The following RARB variants were observed in gnomAD, a reference collection of about 807,000 sequenced individuals.
The protein encoded by RARB is HBV-activated protein.
Under a neutral mutation model 51.9 loss-of-function variants are expected in RARB, and 17 were observed. The ratio of observed to expected loss-of-function variants is 0.33; its 90% CI spans 0.22 to 0.49. RARB has a LOEUF of 0.49. Ranked by LOEUF, RARB falls within the 20% of genes least tolerant of loss-of-function variation. RARB has a pLI of 0.99. For synonymous variants in RARB, 215 were observed against 195.4 expected, an observed-to-expected ratio of 1.10 and a Z score of -0.84; for missense variants, 369 against 550.8, an observed-to-expected ratio of 0.67 and a Z score of 3.30.
At chr3:25,012,238 A>G (rs1347804220) in intron 2 of RARB, among the ~76,000 whole-genome samples, 1 of 152,124 alleles carries the variant, frequency 6.6e-6, no homozygotes, top group African/African-American at 2.4e-5. Context: ...GCTGATATTA[A>G]TGTTCTAAAA....
chr3:25,077,889 G>A (rs1698907852), intron 3 of RARB, among the ~76,000 whole-genome samples: 1 of 152,054 alleles, frequency 6.6e-6, no homozygotes, highest in South Asian at 2.1e-4. Flanking sequence ...CATGTTTTTG[G>A]TATAAAGCAG....
At chr3:25,424,153 A>G (rs1482704022), upstream of RARB, among the ~76,000 whole-genome samples, 1 of 152,228 alleles carries the variant, frequency 6.6e-6, no homozygotes, top group Non-Finnish European at 1.5e-5. Flanking sequence ...CCAACACTCA[A>G]AGTAAAAAGA....
At chr3:25,257,738 C>T (rs974798356) in intron 5 of RARB, among the ~76,000 whole-genome samples, 1 of 152,036 alleles carries the variant, frequency 6.6e-6, no homozygotes, top group East Asian at 1.9e-4. Context: ...CTTTTCCACT[C>T]AACTTCTCTT....
chr3:25,167,374 A>G (rs1448364805), intron 4 of RARB, among the ~76,000 whole-genome samples: 1 of 152,230 alleles, frequency 6.6e-6, no homozygotes, highest in African/African-American at 2.4e-5. Flanking sequence ...CTAATCACTG[A>G]CAAGAAATGG....
chr3:24,905,043 G>T (rs566232900), intron 2 of RARB, among the ~76,000 whole-genome samples: 2 of 152,276 alleles, frequency 1.3e-5, no homozygotes, highest in South Asian at 4.1e-4. Context: ...GTAGATGACG[G>T]GTTGATGGGT....
intron 4 of RARB, among the ~76,000 whole-genome samples, chr3:25,159,592 C>T (rs1056077586): frequency 2.6e-5 from 4 of 152,048 alleles, no homozygotes; most frequent in Non-Finnish European, 4.4e-5. Context: ...CTTATATGAT[C>T]GTACATTTTA....
rs554606101 is a variant in RARB at position 25,501,669 on chromosome 3, G to A, written c.448+346G>A. On this transcript the variant is annotated intron_variant, in intron 3 of 7. Coordinates refer to ENST00000330688, the MANE Select transcript of RARB (RefSeq NM_000965.5). ...CTTGACAATGGGTATAAGGATCTTC[G>A]CCTGTATCGGTGAGGATAAGATAAA... 9.3e-4 allele frequency among the ~76,000 whole-genome samples: 142 copies of A among 152,092 alleles called. 1 individual carries two copies. Among genetic ancestry groups the A allele is most frequent in the Admixed American group, 1.6e-3 (25 of 15,270 alleles).
intron 4 of RARB, among the ~76,000 whole-genome samples, chr3:25,573,436 A>AT (rs1700790951): frequency 6.6e-6 from 1 of 152,062 alleles, no homozygotes; most frequent in African/African-American, 2.4e-5. Flanking sequence ...CAGAAACACG[A>AT]TTTTATCTCT....
Position 25,345,893 on chromosome 3 carries a change from T to C in RARB, c.179-115300T>C, listed in dbSNP as rs185068756. 354 of 912,100 alleles carry C rather than the reference T, an allele frequency of 3.9e-4. 2 individuals carry two copies. The Middle Eastern group carries it at 0.013, about 35-fold the overall frequency. 56.5% of individuals were successfully genotyped at this position (912,100 alleles called of 1,614,324 possible). On this transcript the variant is annotated intron_variant, in intron 5 of 11. Coordinates refer to the RARB transcript ENST00000383772. ...AACCACCACTAAATATGTATAATTATCACATGTCAGTTTAAAAAAAGAGAG... is the reference window on the plus strand; with the variant it reads ...AACCACCACTAAATATGTATAATTACCACATGTCAGTTTAAAAAAAGAGAG...
chr3:24,918,381 A>T (rs1695148810), intron 2 of RARB, among the ~76,000 whole-genome samples: 1 of 152,226 alleles, frequency 6.6e-6, no homozygotes, highest in African/African-American at 2.4e-5. Context: ...GAGGCAAAGT[A>T]GATATGAGTT....
At chr3:24,860,714 C>G (rs982612458) in intron 2 of RARB, among the ~76,000 whole-genome samples, 4 of 152,196 alleles carry the variant, frequency 2.6e-5, no homozygotes, top group African/African-American at 9.6e-5. Flanking sequence ...AGAATACCCC[C>G]TAAGTATGTT....
chr3:24,968,857 G>A (rs1215613357), intron 2 of RARB, among the ~76,000 whole-genome samples: 1 of 152,114 alleles, frequency 6.6e-6, no homozygotes, highest in Non-Finnish European at 1.5e-5. Context: ...GGAAACATAT[G>A]TAAATGAGAG....
chr3:24,863,866 CTA>C (rs751066514), intron 2 of RARB, among the ~76,000 whole-genome samples: 8 of 152,074 alleles, frequency 5.3e-5, no homozygotes, highest in South Asian at 2.1e-4. Flanking sequence ...ACTTCTGTAT[CTA>C]TGTTTCCATT....
chr3:24,934,007 A>G (rs538014547), intron 2 of RARB, among the ~76,000 whole-genome samples: 2 of 152,286 alleles, frequency 1.3e-5, no homozygotes, highest in Admixed American at 6.5e-5. Flanking sequence ...TAATCGAACA[A>G]TGTTTTGTTT....
chr3:25,452,243 A>T (rs1230815353), intron 1 of RARB, among the ~76,000 whole-genome samples: 1 of 152,252 alleles, frequency 6.6e-6, no homozygotes, highest in Non-Finnish European at 1.5e-5. Context: ...ATGCAAAACA[A>T]CCTATGAGAT....
At chr3:24,853,178 A>G (rs915879944) in intron 1 of RARB, among the ~76,000 whole-genome samples, 3 of 151,168 alleles carry the variant, frequency 2.0e-5, no homozygotes, top group Admixed American at 1.3e-4. Context: ...TTAGCCAGGC[A>G]TGGTGGCAGG....
chr3:24,841,087 G>A (rs1211998654), intron 1 of RARB, among the ~76,000 whole-genome samples: 1 of 152,176 alleles, frequency 6.6e-6, no homozygotes, highest in Non-Finnish European at 1.5e-5. Context: ...TTTTTTGGCT[G>A]TAGATAAGTG....
intron 5 of RARB, among the ~76,000 whole-genome samples, chr3:25,292,238 C>A (rs1450242583): frequency 6.6e-6 from 1 of 152,130 alleles, no homozygotes; most frequent in African/African-American, 2.4e-5. Flanking sequence ...GAGTTTAGGG[C>A]CATTGGATGG....
chr3:24,863,113 A>C (rs1702784989), intron 2 of RARB, among the ~76,000 whole-genome samples: 1 of 152,226 alleles, frequency 6.6e-6, no homozygotes, highest in Non-Finnish European at 1.5e-5. Flanking sequence ...AGGCTGATTG[A>C]TGGGGTGATG....
Sources: gnomAD v4.1 joint callset for allele counts (sites outside exome capture counted in the v4.1 genomes callset) on GRCh38, gnomAD v4.1.1 for gene constraint, MANE v1.5 for transcripts, NCBI Gene and HGNC (gene_info 2026-07-23, HGNC 2026-07-21) for gene names.